Variants in CWC22 observed in about 807,000 individuals in gnomAD.
The protein encoded by CWC22 is CWC22 spliceosome associated protein.
In CWC22, 53 loss-of-function variants were observed where a neutral mutation model predicts 117.2. That is an observed-to-expected ratio of 0.45 (90% CI 0.36 to 0.57). The LOEUF (loss-of-function observed/expected upper bound fraction) is 0.57. CWC22 is among the 20% of genes least tolerant of loss of function. The pLI, the probability that CWC22 is intolerant of heterozygous loss-of-function variation, is 0.00. For synonymous variants in CWC22, 360 were observed against 355.6 expected, an observed-to-expected ratio of 1.01 and a Z score of -0.14; for missense variants, 980 against 1,068.8, an observed-to-expected ratio of 0.92 and a Z score of 1.16.
chr2:179,978,187 T>A lies in CWC22; in HGVS notation c.581+3A>T, dbSNP rs1442185774. 1 of 1,526,070 alleles carries A rather than the reference T, an allele frequency of 6.6e-7. No individual in the cohort carries two copies. 94.5% of individuals were successfully genotyped at this position (1,526,070 alleles called of 1,614,324 possible). On this transcript the variant is annotated splice_donor_region_variant and intron_variant, in intron 6 of 19. Transcript: ENST00000410053. The stretch of plus-strand genomic sequence containing the variant: ...TACTACAAATAAAATAGCCAATACT[T>A]ACCTTCCTCTAACTATATTTTCTTG...
chr2:179,963,265 AAAG>A (rs989951256), intron 13 of CWC22, among the ~76,000 whole-genome samples: 2 of 152,024 alleles, frequency 1.3e-5, no homozygotes, highest in Non-Finnish European at 2.9e-5. Context: ...GGTCAAACCC[AAAG>A]AATATTCACC....
Position 179,945,137 on chromosome 2 carries a change from G to C in CWC22, c.2719C>G (p.Gln907Glu). The C allele has an allele frequency of 2.5e-6, 4 of 1,585,578 alleles. No homozygotes were observed. The highest frequency in any genetic ancestry group is 3.4e-6 in the Non-Finnish European group (4 of 1,170,504). ...DRRREKSPAK[Q>E]K ...TATGTCATTTTGTAGAATTATTTTT[G>C]TTTTGCTGGAGACTTTTCTCTTCGC... The change falls in exon 20 of 20, where the codon CAA (glutamine) becomes GAA (glutamate). Residue 907 changes from glutamine to glutamate, a missense_variant. Coordinates refer to ENST00000410053, the MANE Select transcript of CWC22 (RefSeq NM_020943.3).
At chr2:179,975,548 A>C (rs1376074182) in intron 6 of CWC22, among the ~76,000 whole-genome samples, 4 of 152,298 alleles carry the variant, frequency 2.6e-5, no homozygotes, top group East Asian at 1.9e-4. Context: ...TTAACCAAAA[A>C]ATTGTTAGAA....
At chr2:180,004,309 T>A (rs1434007994) in intron 1 of CWC22, among the ~76,000 whole-genome samples, 1 of 152,238 alleles carries the variant, frequency 6.6e-6, no homozygotes, top group Non-Finnish European at 1.5e-5. Context: ...TGTTGTCTTT[T>A]GGGTGGTCTC....
intron 3 of CWC22, among the ~76,000 whole-genome samples, chr2:179,987,524 G>T (rs1340488633): frequency 6.6e-6 from 1 of 152,002 alleles, no homozygotes; most frequent in Non-Finnish European, 1.5e-5. Context: ...AATATATAGG[G>T]AGTAGACAAT....
intron 1 of CWC22, among the ~76,000 whole-genome samples, chr2:180,001,216 A>G (rs917414042): frequency 1.3e-5 from 2 of 152,112 alleles, no homozygotes; most frequent in Non-Finnish European, 2.9e-5. Context: ...ATAAATTATG[A>G]TATTTATGGG....
chr2:179,945,144 T>C lies in CWC22; in HGVS notation c.2712A>G (p.Pro904=). The change falls in exon 20 of 20, where the codon CCA becomes CCG. Residue 904 remains proline, a synonymous_variant. Coordinates refer to ENST00000410053, the MANE Select transcript of CWC22 (RefSeq NM_020943.3). ...TTTTGTAGAATTATTTTTGTTTTGC[T>C]GGAGACTTTTCTCTTCGCCGGTCCT... ...KNQDRRREKS[P]AKQK is the part of the protein sequence containing the mutation. 6.3e-7 allele frequency: 1 copy of C among 1,594,612 alleles called. No individual in the cohort carries two copies. Among genetic ancestry groups the C allele is most frequent in the Non-Finnish European group, 8.5e-7 (1 of 1,173,916 alleles).
intron 17 of CWC22, among the ~76,000 whole-genome samples, chr2:179,952,007 C>A (rs1397704811): frequency 6.6e-6 from 1 of 151,916 alleles, no homozygotes; most frequent in African/African-American, 2.4e-5. Flanking sequence ...AAGTGGCAAT[C>A]TGAACAAACA....
intron 19 of CWC22, among the ~76,000 whole-genome samples, chr2:179,948,547 C>G (rs1686367206): frequency 6.6e-6 from 1 of 152,156 alleles, no homozygotes; most frequent in Non-Finnish European, 1.5e-5. Context: ...CCACCTTACT[C>G]AAGTGATCAA....
chr2:179,999,984 AGGAAC>A (rs2105564151), intron 1 of CWC22, among the ~76,000 whole-genome samples: 1 of 152,318 alleles, frequency 6.6e-6, no homozygotes, highest in East Asian at 1.9e-4. Flanking sequence ...CAAGCCCCCA[AGGAAC>A]GGATTTTCCT....
intron 14 of CWC22, among the ~76,000 whole-genome samples, chr2:179,956,247 C>T (rs1026050362): frequency 9.9e-5 from 15 of 151,790 alleles, no homozygotes; most frequent in Non-Finnish European, 1.9e-4. Context: ...TGGAGAAGCA[C>T]AGAACAGATA....
At chr2:179,998,006 G>A (rs1001434780) in intron 1 of CWC22, among the ~76,000 whole-genome samples, 1 of 152,038 alleles carries the variant, frequency 6.6e-6, no homozygotes, top group African/African-American at 2.4e-5. Flanking sequence ...ACATATATTG[G>A]GGCCCACCTC....
rs542791898 is a variant in CWC22, at chr2:180,001,006, T to A, written c.-114+5861A>T. Among the ~76,000 whole-genome samples the A allele has an allele frequency of 7.9e-5, 12 of 152,272 alleles. No individual in the cohort carries two copies. In the South Asian group the frequency reaches 2.3e-3, roughly 29 times the overall value. On this transcript the variant is annotated intron_variant, in intron 1 of 19. Coordinates refer to ENST00000410053, the MANE Select transcript of CWC22 (RefSeq NM_020943.3). The stretch of plus-strand genomic sequence containing the variant: ...CCAATCATTTGGAAATACTATTAAT[T>A]TTTTTACGCATAGGAAGATTCCCCA...
At chr2:179,995,797 G>A (rs1243179898) in intron 1 of CWC22, among the ~76,000 whole-genome samples, 2 of 152,162 alleles carry the variant, frequency 1.3e-5, no homozygotes, top group Non-Finnish European at 2.9e-5. Context: ...TAGTCTGAGG[G>A]CAAGCTGCAG....
intron 13 of CWC22, 120 bp downstream of exon 13, chr2:179,964,427 T>C (rs572135939): frequency 2.7e-5 from 15 of 558,042 alleles, no homozygotes; most frequent in Middle Eastern, 5.4e-4. Context: ...GGGGAGAGAG[T>C]CTAAGAATGC....
chr2:179,945,831 A>G (rs554820222), intron 19 of CWC22, 116 bp from the exon 20 acceptor site: 1 of 633,404 alleles, frequency 1.6e-6, no homozygotes, highest in Admixed American at 3.2e-5. Context: ...CTAGGTGCAA[A>G]GCCAAATTGA....
At chr2:179,982,581 T>C (rs1444917371) in intron 4 of CWC22, among the ~76,000 whole-genome samples, 1 of 152,184 alleles carries the variant, frequency 6.6e-6, no homozygotes, top group Non-Finnish European at 1.5e-5. Context: ...GAATATAATA[T>C]TTGAAGTTGT....
intron 1 of CWC22, among the ~76,000 whole-genome samples, chr2:179,994,331 T>C (rs1316606228): frequency 6.6e-6 from 1 of 152,042 alleles, no homozygotes; most frequent in Non-Finnish European, 1.5e-5. Context: ...TTAATTTGAG[T>C]GTCAGAAAGG....
chr2:180,005,728 G>A (rs979298279), intron 1 of CWC22, among the ~76,000 whole-genome samples: 8 of 152,278 alleles, frequency 5.3e-5, no homozygotes, highest in Non-Finnish European at 7.3e-5. Context: ...CAACGCTAAC[G>A]CTGTGCTCAG....
Sources: gnomAD v4.1 joint callset for allele counts (sites outside exome capture counted in the v4.1 genomes callset) on GRCh38, gnomAD v4.1.1 for gene constraint, MANE v1.5 for transcripts, NCBI Gene and HGNC (gene_info 2026-07-23, HGNC 2026-07-21) for gene names.